Variants in GYPC observed in about 807,000 individuals in gnomAD.
GYPC encodes the protein glycophorin C (Gerbich blood group).
GYPC carries 14 observed loss-of-function variants against 12.6 expected under a neutral mutation model. The observed-to-expected ratio is 1.11, with a 90% CI of 0.74 to 1.74. The LOEUF is 1.74. Among genes scored for constraint, GYPC ranks in the 40% most tolerant of loss-of-function variants. The pLI is 0.00. For synonymous variants in GYPC, 78 were observed against 62.1 expected, an observed-to-expected ratio of 1.26 and a Z score of -1.20; for missense variants, 225 against 172.1, an observed-to-expected ratio of 1.31 and a Z score of -1.72.
At chr2:126,681,325 G>A (rs894104824) in intron 1 of GYPC, among the ~76,000 whole-genome samples, 1 of 152,022 alleles carries the variant, frequency 6.6e-6, no homozygotes, top group Non-Finnish European at 1.5e-5. Context: ...TTCCCTAACT[G>A]CATAATACTG....
intron 1 of GYPC, among the ~76,000 whole-genome samples, chr2:126,688,184 T>C (rs538738545): frequency 3.1e-4 from 47 of 152,280 alleles, no homozygotes; most frequent in African/African-American, 1.1e-3. Flanking sequence ...GAAGGGAAAA[T>C]AACAGTCCCT....
At position 126,694,062 on chromosome 2, in the gene GYPC, C is replaced by G. The variant is rs28387220; in HGVS notation, c.190+115C>G. ...AGTGGTGGCTGTGGCCATTTTTTCTCTCCCTCAGAGGTGGTTTTGAATGTG... is the reference window on the plus strand; with the variant it reads ...AGTGGTGGCTGTGGCCATTTTTTCTGTCCCTCAGAGGTGGTTTTGAATGTG... On this transcript the variant is annotated intron_variant, in intron 3 of 3. Coordinates refer to ENST00000259254, the MANE Select transcript of GYPC (RefSeq NM_002101.5). The G allele has an allele frequency of 4.7e-3, 3,543 of 760,090 alleles. 90 individuals carry two copies. In the African/African-American group the frequency reaches 0.052, roughly 11 times the overall value. 47.1% of individuals were successfully genotyped at this position (760,090 alleles called of 1,614,324 possible). A position where few individuals can be genotyped will look rare whatever the true frequency, so the allele number is the denominator to read the frequency against.
chr2:126,658,833 T>C (rs973533138), intron 1 of GYPC: 3 of 152,272 alleles, frequency 2.0e-5, no homozygotes, highest in East Asian at 1.9e-4. Context: ...TTATTTTCTT[T>C]AATCAGTTCC....
chr2:126,662,926 C>T (rs1318002377), intron 1 of GYPC, among the ~76,000 whole-genome samples: 1 of 152,216 alleles, frequency 6.6e-6, no homozygotes, highest in African/African-American at 2.4e-5. Flanking sequence ...ATGTTTGCCC[C>T]TTTGCCACTG....
chr2:126,679,565 C>A (rs1372037139), intron 1 of GYPC: 5 of 152,252 alleles, frequency 3.3e-5, no homozygotes, highest in African/African-American at 1.2e-4. Context: ...CAGTCAGTGT[C>A]TTCTAGGAGC....
chr2:126,685,864 C>T (rs1683274817), intron 1 of GYPC: 2 of 985,326 alleles, frequency 2.0e-6, no homozygotes, highest in Non-Finnish European at 1.2e-6. Context: ...ACCTGCATTT[C>T]CTGTCATGAT....
chr2:126,685,782 G>C, intron 1 of GYPC: 2 of 985,024 alleles, frequency 2.0e-6, no homozygotes, highest in Non-Finnish European at 2.4e-6. Context: ...AGTCAACGTT[G>C]CTGTTGCTGC....
chr2:126,658,304 G>C (rs922024943), intron 1 of GYPC: 4 of 152,270 alleles, frequency 2.6e-5, no homozygotes, highest in Non-Finnish European at 4.4e-5. Flanking sequence ...TTCCAAGGGT[G>C]CCCGTGGTTG....
intron 1 of GYPC, chr2:126,679,652 T>A (rs1380565864): frequency 6.6e-6 from 1 of 152,056 alleles, no homozygotes; most frequent in East Asian, 1.9e-4. Context: ...CCGAGGCGGG[T>A]GGATCACCTG....
At chr2:126,683,262 G>C (rs1683198215) in intron 1 of GYPC, among the ~76,000 whole-genome samples, 1 of 152,144 alleles carries the variant, frequency 6.6e-6, no homozygotes, top group Admixed American at 6.5e-5. Context: ...AGAGGTTGCA[G>C]TGAGTCTAGG....
Position 126,696,249 on chromosome 2 carries a change from A to C in GYPC, c.*107A>C, listed in dbSNP as rs1573583934. 1 of 852,072 alleles carries C rather than the reference A, an allele frequency of 1.2e-6. No homozygotes were observed. The highest frequency in any genetic ancestry group is 2.0e-5 in the Admixed American group (1 of 50,126). The allele number at this position is 852,072 out of a possible 1,614,324, so 52.8% of individuals were successfully genotyped here. A position where few individuals can be genotyped will look rare whatever the true frequency, so the allele number is the denominator to read the frequency against. On this transcript the variant is annotated 3_prime_UTR_variant, in exon 4 of 4. Coordinates refer to ENST00000259254, the MANE Select transcript of GYPC (RefSeq NM_002101.5). ...ATACCACCAGACAGAGAGAGAGAGCACTTGATTCTTCCCGAGATAGCCACC... is the reference window on the plus strand; with the variant it reads ...ATACCACCAGACAGAGAGAGAGAGCCCTTGATTCTTCCCGAGATAGCCACC...
chr2:126,677,511 G>A (rs1199802950), intron 1 of GYPC, among the ~76,000 whole-genome samples: 1 of 91,166 alleles, frequency 1.1e-5, no homozygotes, highest in African/African-American at 3.0e-5. Context: ...ATGAGAGTGT[G>A]TGTGAGTCTG....
chr2:126,678,188 C>T (rs13002529), intron 1 of GYPC: 13,814 of 151,978 alleles, frequency 0.091, 681 homozygotes, highest in Middle Eastern at 0.17. Context: ...CACCACTGCA[C>T]TCCAGCCTGG....
intron 1 of GYPC, chr2:126,680,335 G>T (rs1351878949): frequency 6.6e-6 from 1 of 152,202 alleles, no homozygotes; most frequent in Non-Finnish European, 1.5e-5. Flanking sequence ...ACACACTTCA[G>T]TGTAGGGTTT....
intron 1 of GYPC, among the ~76,000 whole-genome samples, chr2:126,676,873 A>C (rs971842163): frequency 6.6e-6 from 1 of 152,202 alleles, no homozygotes; most frequent in African/African-American, 2.4e-5. Flanking sequence ...TTTCAGAAGC[A>C]AAATGAAATT....
chr2:126,694,287 A>T (rs184784819), intron 3 of GYPC, among the ~76,000 whole-genome samples: 1 of 152,090 alleles, frequency 6.6e-6, no homozygotes. Flanking sequence ...CTTCTCCACC[A>T]TCTCCCTCAT....
In GYPC at chr2:126,696,246, AGCACTTGATTCTTCCC is replaced by A; in HGVS notation, c.*106_*121del. 1 of 866,708 alleles carries A rather than the reference AGCACTTGATTCTTCCC, an allele frequency of 1.2e-6. No individual in the cohort carries two copies. The highest frequency in any genetic ancestry group is 1.9e-6 in the Non-Finnish European group (1 of 523,324). The allele number at this position is 866,708 out of a possible 1,614,324, so 53.7% of individuals were successfully genotyped here. A position where few individuals can be genotyped will look rare whatever the true frequency, so the allele number is the denominator to read the frequency against. On this transcript the variant is annotated 3_prime_UTR_variant, in exon 4 of 4. Coordinates refer to ENST00000259254, the MANE Select transcript of GYPC (RefSeq NM_002101.5). The stretch of plus-strand genomic sequence containing the variant: ...CTGATACCACCAGACAGAGAGAGAG[AGCACTTGATTCTTCCC>A]GAGATAGCCACCTGGAAACACTAGG...
intron 1 of GYPC, among the ~76,000 whole-genome samples, chr2:126,665,045 G>T (rs1284196223): frequency 2.0e-5 from 3 of 151,940 alleles, no homozygotes; most frequent in Non-Finnish European, 2.9e-5. Flanking sequence ...AGAAGAATAG[G>T]CTACTCTTCA....
At chr2:126,695,418 T>A (rs997668920) in intron 3 of GYPC, among the ~76,000 whole-genome samples, 2 of 152,132 alleles carry the variant, frequency 1.3e-5, no homozygotes, top group African/African-American at 4.8e-5. Context: ...AAGGCACAGG[T>A]TACAGTGCCA....
Sources: allele counts gnomAD v4.1 joint callset (sites outside exome capture counted in the v4.1 genomes callset), GRCh38; gene constraint gnomAD v4.1.1; transcripts MANE v1.5; gene names NCBI Gene and HGNC (gene_info 2026-07-23, HGNC 2026-07-21).